PSMD1: variants seen among roughly 807,000 people sequenced by gnomAD.
PSMD1 encodes the protein proteasome 26S subunit, non-ATPase 1.
Under a neutral mutation model 119.0 loss-of-function variants are expected in PSMD1, and 18 were observed. The ratio of observed to expected loss-of-function variants is 0.15; its 90% CI spans 0.10 to 0.22. The LOEUF (loss-of-function observed/expected upper bound fraction) is 0.22. Ranked by LOEUF, PSMD1 falls within the 10% of genes least tolerant of loss-of-function variation. PSMD1 has a pLI of 1.00. For missense variants in PSMD1, 702 were observed against 1,158.5 expected (o/e 0.61, Z 5.72); for synonymous variants, 374 against 396.6 (o/e 0.94, Z 0.68).
chr2:231,081,144 T>TAAAAAAAA (rs368987456), intron 12 of PSMD1, among the ~76,000 whole-genome samples: 1 of 74,048 alleles, frequency 1.4e-5, no homozygotes, highest in Non-Finnish European at 2.7e-5. Context: ...AAACTCTGTC[T>TAAAAAAAA]AAAAAAAAAA....
intron 16 of PSMD1, chr2:231,108,343 A>G: frequency 1.8e-6 from 1 of 571,084 alleles, no homozygotes; most frequent in Non-Finnish European, 3.1e-6. Flanking sequence ...TATTTTCCTC[A>G]TGGAATAATC....
At chr2:231,089,521 C>T (rs182475397) in intron 16 of PSMD1, among the ~76,000 whole-genome samples, 2 of 151,678 alleles carry the variant, frequency 1.3e-5, no homozygotes, top group Non-Finnish European at 1.5e-5. Context: ...TCTACGTGTT[C>T]TAGAAATGAA....
In PSMD1 at chr2:231,072,350, C is replaced by T. The variant is rs1574707930; in HGVS notation, c.816C>T (p.Gly272=). The change falls in exon 7 of 25, where the codon GGC becomes GGT. Residue 272 remains glycine (G), a synonymous_variant. Coordinates refer to ENST00000308696, the MANE Select transcript of PSMD1 (RefSeq NM_002807.4). ...TAATCCAGAATCTTCGAACTGTTGG[C>T]ACCCCTATTGCTTCTGTGCCTGGAT... ...SSVIQNLRTV[G]TPIASVPGST... is the part of the protein sequence containing the mutation. The T allele has an allele frequency of 6.2e-7, 1 of 1,614,052 alleles. No homozygotes were observed. The highest frequency in any genetic ancestry group is 8.5e-7 in the Non-Finnish European group (1 of 1,179,918).
At chr2:231,136,332 G>A (rs1342348763) in intron 16 of PSMD1, among the ~76,000 whole-genome samples, 6 of 152,104 alleles carry the variant, frequency 3.9e-5, no homozygotes, top group Non-Finnish European at 8.8e-5. Context: ...TTGGAAATTC[G>A]GGTTTTAATG....
chr2:231,090,215 T>A (rs537523053), intron 16 of PSMD1, among the ~76,000 whole-genome samples: 103 of 152,330 alleles, frequency 6.8e-4, no homozygotes, highest in African/African-American at 2.3e-3. Context: ...TTTTTTACTT[T>A]CAAGTCGTAT....
At chr2:231,153,013 G>A (rs563769607) in intron 18 of PSMD1, among the ~76,000 whole-genome samples, 7 of 152,074 alleles carry the variant, frequency 4.6e-5, no homozygotes, top group Admixed American at 3.3e-4. Context: ...TTTCCATTCC[G>A]ATACTCTCCT....
chr2:231,119,272 A>G (rs1350674370), intron 16 of PSMD1, among the ~76,000 whole-genome samples: 1 of 152,112 alleles, frequency 6.6e-6, no homozygotes, highest in Non-Finnish European at 1.5e-5. Context: ...ACTGCTATAC[A>G]TTTGTTTCAT....
chr2:231,111,223 T>C (rs2125208994), intron 16 of PSMD1, among the ~76,000 whole-genome samples: 1 of 152,346 alleles, frequency 6.6e-6, no homozygotes, highest in South Asian at 2.1e-4. Context: ...ACTAAAGCCA[T>C]CTACAAGTCT....
intron 16 of PSMD1, among the ~76,000 whole-genome samples, chr2:231,122,652 G>T (rs1429262191): frequency 1.3e-5 from 2 of 152,008 alleles, no homozygotes; most frequent in East Asian, 3.9e-4. Flanking sequence ...GCAGAAATCT[G>T]GAACTACTTA....
At chr2:231,152,968 T>C (rs1489094955) in intron 18 of PSMD1, among the ~76,000 whole-genome samples, 1 of 152,196 alleles carries the variant, frequency 6.6e-6, no homozygotes, top group Non-Finnish European at 1.5e-5. Context: ...GGATAAAGAA[T>C]TACCAGTAAT....
chr2:231,144,252 CTT>C (rs113617018), intron 17 of PSMD1, among the ~76,000 whole-genome samples: 39 of 136,574 alleles, frequency 2.9e-4, no homozygotes, highest in Non-Finnish European at 3.4e-4. Context: ...GGTTTGTTTC[CTT>C]TTTTTTTTTT....
chr2:231,139,573 A>AAAAG (rs1553566357), intron 17 of PSMD1, among the ~76,000 whole-genome samples: 5 of 144,468 alleles, frequency 3.5e-5, no homozygotes, highest in African/African-American at 5.2e-5. Context: ...AAAAAAAAAA[A>AAAAG]AAGAAGAAGA....
intron 21 of PSMD1, 62 bp downstream of exon 21, chr2:231,163,789 ACTTTTT>A: frequency 8.2e-7 from 1 of 1,225,564 alleles, no homozygotes; most frequent in South Asian, 1.3e-5. Flanking sequence ...TGAGTATTTT[ACTTTTT>A]CTTTAACTAT....
intron 18 of PSMD1, 32 bp downstream of exon 18, chr2:231,146,388 G>C: frequency 6.6e-7 from 1 of 1,523,014 alleles, no homozygotes; most frequent in Non-Finnish European, 9.1e-7. Flanking sequence ...CTGGAAGAGA[G>C]ATGGTTTGGT....
intron 12 of PSMD1, among the ~76,000 whole-genome samples, chr2:231,082,220 G>A (rs993397133): frequency 1.3e-5 from 2 of 151,884 alleles, no homozygotes; most frequent in African/African-American, 2.4e-5. Flanking sequence ...GCACCACCAC[G>A]CCCAGCTAAT....
chr2:231,139,862 T>C (rs895356374), intron 17 of PSMD1, among the ~76,000 whole-genome samples: 11 of 152,166 alleles, frequency 7.2e-5, no homozygotes, highest in Non-Finnish European at 1.6e-4. Context: ...AGGTGATGAT[T>C]TGAAAACATA....
intron 16 of PSMD1, chr2:231,109,370 T>C (rs750783162): frequency 5.6e-6 from 9 of 1,614,134 alleles, no homozygotes; most frequent in Non-Finnish European, 7.6e-6. Flanking sequence ...GTTGTCCACA[T>C]CAGTCTCTAT....
At chr2:231,064,657 CTGTGTTTT>C (rs1364053584) in intron 4 of PSMD1, among the ~76,000 whole-genome samples, 2 of 152,094 alleles carry the variant, frequency 1.3e-5, no homozygotes, top group Admixed American at 1.3e-4. Context: ...ATAACATCCA[CTGTGTTTT>C]TTTGTTTGTC....
intron 16 of PSMD1, chr2:231,109,412 A>G: frequency 6.2e-7 from 1 of 1,613,280 alleles, no homozygotes; most frequent in Non-Finnish European, 8.5e-7. Flanking sequence ...GGCAATGCCT[A>G]AGGAAGAGGA....
Sources: gnomAD v4.1 joint callset for allele counts (sites outside exome capture counted in the v4.1 genomes callset) on GRCh38, gnomAD v4.1.1 for gene constraint, MANE v1.5 for transcripts, NCBI Gene and HGNC (gene_info 2026-07-23, HGNC 2026-07-21) for gene names.